The following NALF1 variants were observed in gnomAD, a reference collection of about 807,000 sequenced individuals.
NALF1 encodes NALCN channel auxiliary factor 1.
NALF1 carries 3 observed loss-of-function variants against 48.4 expected under a neutral mutation model. That is an observed-to-expected ratio of 0.06 (90% CI 0.03 to 0.16). The LOEUF (loss-of-function observed/expected upper bound fraction) is 0.16, where lower values mean the gene tolerates loss of function less well. Among genes scored for constraint, NALF1 ranks in the 10% least tolerant of loss-of-function variants. The pLI is 1.00. For missense variants in NALF1, 526 were observed against 571.5 expected, an observed-to-expected ratio of 0.92 and a Z score of 0.81; for synonymous variants, 262 against 245.7, an observed-to-expected ratio of 1.07 and a Z score of -0.62.
At chr13:107,519,371 A>G (rs1017434521) in intron 1 of NALF1, among the ~76,000 whole-genome samples, 2 of 152,132 alleles carry the variant, frequency 1.3e-5, no homozygotes, top group Admixed American at 6.5e-5. Flanking sequence ...GAGGAAAAAA[A>G]AAAAAACTTT....
At chr13:107,537,175 C>A (rs988013151) in intron 1 of NALF1, among the ~76,000 whole-genome samples, 7 of 151,928 alleles carry the variant, frequency 4.6e-5, no homozygotes, top group Non-Finnish European at 1.0e-4. Flanking sequence ...CACATGTATA[C>A]ATATGTAACA....
At chr13:107,365,223 T>C (rs1259270001) in intron 1 of NALF1, among the ~76,000 whole-genome samples, 1 of 151,786 alleles carries the variant, frequency 6.6e-6, no homozygotes, top group Non-Finnish European at 1.5e-5. Flanking sequence ...CAGGCGACGT[T>C]TGAAAAGGCA....
chr13:107,356,718 G>C (rs1484494252), intron 1 of NALF1, among the ~76,000 whole-genome samples: 2 of 152,098 alleles, frequency 1.3e-5, no homozygotes, highest in Admixed American at 6.5e-5. Context: ...GTAGTTTTTT[G>C]AAGTTTATGA....
At chr13:107,840,795 A>G (rs866164020) in intron 1 of NALF1, among the ~76,000 whole-genome samples, 20 of 152,096 alleles carry the variant, frequency 1.3e-4, no homozygotes, top group Admixed American at 5.9e-4. Context: ...TCCTTCCACA[A>G]CACACCCTGG....
chr13:107,198,753 C>A (rs1879446061), intron 2 of NALF1, among the ~76,000 whole-genome samples: 1 of 152,172 alleles, frequency 6.6e-6, no homozygotes, highest in Non-Finnish European at 1.5e-5. Flanking sequence ...AATGTGTTGG[C>A]AGGGTTGGCT....
At chr13:107,330,980 A>G (rs573980076) in intron 1 of NALF1, among the ~76,000 whole-genome samples, 44 of 152,304 alleles carry the variant, frequency 2.9e-4, no homozygotes, top group Admixed American at 1.0e-3. Flanking sequence ...AACCTGTTTC[A>G]TGAATTACAG....
At chr13:107,230,212 T>C (rs1000976573) in intron 1 of NALF1, among the ~76,000 whole-genome samples, 19 of 152,146 alleles carry the variant, frequency 1.2e-4, no homozygotes, top group Admixed American at 3.3e-4. Flanking sequence ...TATGCAACCA[T>C]TTTTGGTCCA....
At chr13:107,661,819 T>G (rs375789558) in intron 1 of NALF1, among the ~76,000 whole-genome samples, 1 of 152,126 alleles carries the variant, frequency 6.6e-6, no homozygotes, top group African/African-American at 2.4e-5. Flanking sequence ...TATACATATT[T>G]TAAGCCTGAT....
At chr13:107,683,211 G>A (rs1486230070) in intron 1 of NALF1, among the ~76,000 whole-genome samples, 1 of 152,128 alleles carries the variant, frequency 6.6e-6, no homozygotes, top group Non-Finnish European at 1.5e-5. Context: ...TTGTGCCCCT[G>A]CACTCCAGCC....
At chr13:107,392,724 T>C (rs1328366592) in intron 1 of NALF1, among the ~76,000 whole-genome samples, 7 of 152,106 alleles carry the variant, frequency 4.6e-5, no homozygotes, top group Non-Finnish European at 1.0e-4. Flanking sequence ...TAATCTCAAG[T>C]AATACACTGG....
intron 1 of NALF1, among the ~76,000 whole-genome samples, chr13:107,300,074 G>A (rs1048962468): frequency 1.3e-5 from 2 of 152,184 alleles, no homozygotes; most frequent in African/African-American, 4.8e-5. Context: ...CAGGGGGCTG[G>A]AGGTCCCACT....
intron 1 of NALF1, among the ~76,000 whole-genome samples, chr13:107,372,965 G>GTTAAC (rs55770126): frequency 0.56 from 85,361 of 151,316 alleles, 24,690 homozygotes; most frequent in East Asian, 0.74. Flanking sequence ...GCTAGCATCT[G>GTTAAC]TTAATGAGGT....
intron 1 of NALF1, among the ~76,000 whole-genome samples, chr13:107,794,799 T>C (rs1021978835): frequency 1.3e-5 from 2 of 152,150 alleles, no homozygotes; most frequent in Admixed American, 6.5e-5. Context: ...TCTGTCCTTT[T>C]TGAGTTCTAA....
intron 1 of NALF1, among the ~76,000 whole-genome samples, chr13:107,459,088 C>T (rs1427870975): frequency 6.6e-6 from 1 of 151,762 alleles, no homozygotes; most frequent in African/African-American, 2.4e-5. Context: ...AAACCTTCTG[C>T]TCTGTGAAGA....
At chr13:107,853,947 A>G (rs1880379605) in intron 1 of NALF1, among the ~76,000 whole-genome samples, 1 of 152,244 alleles carries the variant, frequency 6.6e-6, no homozygotes. Flanking sequence ...AAATACTTAA[A>G]GATTGGATCA....
At chr13:107,470,422 G>C (rs1885081248) in intron 1 of NALF1, among the ~76,000 whole-genome samples, 1 of 152,336 alleles carries the variant, frequency 6.6e-6, no homozygotes, top group South Asian at 2.1e-4. Context: ...CAGACAGTCA[G>C]ACACATTTGT....
chr13:107,180,127 A>ACTT (rs1879031767), intron 2 of NALF1, among the ~76,000 whole-genome samples: 1 of 150,936 alleles, frequency 6.6e-6, no homozygotes, highest in Non-Finnish European at 1.5e-5. Flanking sequence ...TATCCACAAA[A>ACTT]CTTTAAAAAT....
At chr13:107,541,812 G>T (rs530771489) in intron 1 of NALF1, among the ~76,000 whole-genome samples, 1 of 152,234 alleles carries the variant, frequency 6.6e-6, no homozygotes, top group Admixed American at 6.6e-5. Context: ...ATTCCTCAAT[G>T]ATGATGGCTT....
Position 107,463,393 on chromosome 13 carries a change from A to C in NALF1, c.916-252638T>G, listed in dbSNP as rs148074905. Among the ~76,000 whole-genome samples, 269 of 152,304 alleles carry C rather than the reference A, an allele frequency of 1.8e-3. 2 individuals carry two copies. Among genetic ancestry groups the C allele is most frequent in the African/African-American group, 6.2e-3 (258 of 41,570 alleles). On this transcript the variant is annotated intron_variant, in intron 1 of 2. Coordinates refer to ENST00000375915, the MANE Select transcript of NALF1 (RefSeq NM_001080396.3). ...ATTATTCTATGTAACCTGTTAAGTA[A>C]ATTGCCAATATCTGGGAGAGGGTAC...
Sources: allele counts gnomAD v4.1 joint callset (sites outside exome capture counted in the v4.1 genomes callset), GRCh38; gene constraint gnomAD v4.1.1; transcripts MANE v1.5; gene names NCBI Gene and HGNC (gene_info 2026-07-23, HGNC 2026-07-21).